Variants in ZNF469 observed in about 807,000 individuals in gnomAD.
ZNF469 encodes zinc finger protein 469.
A neutral mutation model predicts 1.0 loss-of-function variants in ZNF469; 1 was observed. The ratio of observed to expected loss-of-function variants is 1.00; its 90% CI spans 0.35 to 4.73. The LOEUF is 4.73. ZNF469 is among the 30% of genes most tolerant of loss of function. The pLI, the probability that ZNF469 is intolerant of heterozygous loss-of-function variation, is 0.16. For missense variants in ZNF469, 6,100 were observed against 5,356.3 expected, an observed-to-expected ratio of 1.14 and a Z score of -4.33; for synonymous variants, 2,703 against 2,363.4, an observed-to-expected ratio of 1.14 and a Z score of -4.17.
the ZNF469 span, among the ~76,000 whole-genome samples, chr16:88,239,186 G>T: frequency 6.6e-6 from 1 of 152,070 alleles, no homozygotes. Context: ...CTCTGCCATC[G>T]GCTATTCTCT....
chr16:88,225,719 C>A, the ZNF469 span, among the ~76,000 whole-genome samples: 1 of 152,104 alleles, frequency 6.6e-6, no homozygotes, highest in Non-Finnish European at 1.5e-5. Context: ...AGATCCCTGC[C>A]CTTCCCATCA....
the ZNF469 span, among the ~76,000 whole-genome samples, chr16:88,317,373 C>A: frequency 6.6e-6 from 1 of 152,182 alleles, no homozygotes; most frequent in Non-Finnish European, 1.5e-5. Context: ...GAAACGTGGT[C>A]CTAGGGGGAC....
At chr16:88,231,043 C>G in the ZNF469 span, among the ~76,000 whole-genome samples, 1 of 152,262 alleles carries the variant, frequency 6.6e-6, no homozygotes, top group South Asian at 2.1e-4. This position sits in a 1 kb window ranked among gnomAD's most constrained non-coding sequence, Gnocchi z 4.5. Flanking sequence ...AAACCTCAGA[C>G]CAGCCGCACG....
At chr16:88,296,412 C>T in the ZNF469 span, among the ~76,000 whole-genome samples, 3 of 151,162 alleles carry the variant, frequency 2.0e-5, no homozygotes, top group Non-Finnish European at 4.4e-5. Flanking sequence ...ATGTGCACAC[C>T]CATGCTCACA....
At chr16:88,234,875 G>T in the ZNF469 span, 1 of 152,236 alleles carries the variant, frequency 6.6e-6, no homozygotes, top group African/African-American at 2.4e-5. Context: ...TCACAGGAAG[G>T]GAGGAAAACA....
At chr16:88,164,336 G>A in the ZNF469 span, among the ~76,000 whole-genome samples, 677 of 152,048 alleles carry the variant, frequency 4.5e-3, 10 homozygotes, top group African/African-American at 0.015. Context: ...ACAGATGGAT[G>A]GGTGGATGTA....
At position 88,432,284 on chromosome 16, in the gene ZNF469, C is replaced by T; in HGVS notation, c.4814C>T (p.Pro1605Leu). 1 of 1,547,294 alleles carries T rather than the reference C, an allele frequency of 6.5e-7. No individual in the cohort carries two copies. The highest frequency in any genetic ancestry group is 8.7e-7 in the Non-Finnish European group (1 of 1,146,972). ...GTGGAGCTCGGCACAGGCACAGAGC[C>T]ACCCTCCCAACGGCGCACCTGCCAG... is the stretch of plus-strand genomic sequence containing the variant. ...GRVELGTGTE[P>L]PSQRRTCQAT... Residue 1605 changes from proline (P) to leucine (L), a missense_variant, in exon 3 of 3, where the codon CCA (proline) becomes CTA (leucine). Coordinates refer to ENST00000565624, the MANE Select transcript of ZNF469 (RefSeq NM_001367624.2).
At chr16:88,245,253 C>T in the ZNF469 span, among the ~76,000 whole-genome samples, 7 of 133,300 alleles carry the variant, frequency 5.3e-5, no homozygotes, top group African/African-American at 8.8e-5. Context: ...AACTTAGGAC[C>T]GATGTAGTAA....
At position 88,428,040 on chromosome 16, in the gene ZNF469, C is replaced by G. The variant is rs1905818406; in HGVS notation, c.570C>G (p.Ser190Arg). 2 of 1,550,056 alleles carry G rather than the reference C, an allele frequency of 1.3e-6. No homozygotes were observed. The highest frequency in any genetic ancestry group is 8.7e-7 in the Non-Finnish European group (1 of 1,146,892). ...GGTGCTTCCAGGAGCCACCCTCCAG[C>G]TTTACCTCCACCAACTATACCTCAC... is the stretch of plus-strand genomic sequence containing the variant. ...FHRCFQEPPS[S>R]FTSTNYTSPS... is the part of the protein sequence containing the mutation. Residue 190 changes from serine (S) to arginine (R), a missense_variant, in exon 3 of 3, where the codon AGC (serine) becomes AGG (arginine). Transcript: ENST00000565624.
rs1215224306 is a variant in ZNF469, at chr16:88,439,098, G to T, written c.11628G>T (p.Glu3876Asp). Reference protein sequence around the residue: ...SQNKPRPPPSEQRKAEPGHTQ... With the variant: ...SQNKPRPPPSDQRKAEPGHTQ... ...ACAAACCCAGGCCGCCACCATCAGAGCAGCGGAAGGCAGAGCCGGGCCACA... is the reference window on the plus strand; with the variant it reads ...ACAAACCCAGGCCGCCACCATCAGATCAGCGGAAGGCAGAGCCGGGCCACA... Residue 3876 changes from glutamate to aspartate, a missense_variant, in exon 3 of 3, where the codon GAG (glutamate) becomes GAT (aspartate). Coordinates refer to ENST00000565624, the MANE Select transcript of ZNF469 (RefSeq NM_001367624.2). 16 of 1,550,974 alleles carry T rather than the reference G, an allele frequency of 1.0e-5. No homozygotes were observed. Among genetic ancestry groups the T allele is most frequent in the Non-Finnish European group, 1.4e-5 (16 of 1,146,968 alleles).
chr16:88,104,365 C>T, the ZNF469 span, among the ~76,000 whole-genome samples: 1 of 152,148 alleles, frequency 6.6e-6, no homozygotes, highest in Non-Finnish European at 1.5e-5. Flanking sequence ...CCCACAACCA[C>T]TATCAACTTG....
At chr16:88,158,724 C>T in the ZNF469 span, among the ~76,000 whole-genome samples, 18 of 152,358 alleles carry the variant, frequency 1.2e-4, 1 homozygote, top group East Asian at 3.5e-3. Context: ...TAAAGTGGAT[C>T]TGTGGCCTGT....
rs1030838420 is a variant in ZNF469 at position 88,440,614 on chromosome 16, C to T, written c.*1282C>T. The T allele has an allele frequency of 5.3e-5, 8 of 152,166 alleles. No individual in the cohort carries two copies. Among genetic ancestry groups the T allele is most frequent in the African/African-American group, 1.7e-4 (7 of 41,428 alleles). The allele number at this position is 152,166 out of a possible 1,614,324, so 9.4% of individuals were successfully genotyped here. On this transcript the variant is annotated 3_prime_UTR_variant, in exon 3 of 3. Transcript: ENST00000565624. ...GAAAGAGACCAAATCAGGCCCAGAC[C>T]GCCTCTCTGGAAGGTGTTGTAGGCC... is the stretch of plus-strand genomic sequence containing the variant.
chr16:88,211,827 G>A, the ZNF469 span, among the ~76,000 whole-genome samples: 10 of 152,304 alleles, frequency 6.6e-5, 1 homozygote, highest in East Asian at 1.9e-3. Context: ...CCTGTGTGGT[G>A]CCAGCTGGGC....
At chr16:88,257,757 CA>C in the ZNF469 span, among the ~76,000 whole-genome samples, 1 of 152,148 alleles carries the variant, frequency 6.6e-6, no homozygotes, top group East Asian at 1.9e-4. Flanking sequence ...TTGGGAAGGT[CA>C]GTAACTTGGA....
chr16:88,227,547 T>A, the ZNF469 span, among the ~76,000 whole-genome samples: 1 of 140,412 alleles, frequency 7.1e-6, no homozygotes, highest in Non-Finnish European at 1.5e-5. Flanking sequence ...CGTCTCCCCT[T>A]CTCCCTGTCT....
At chr16:88,185,241 C>G in the ZNF469 span, among the ~76,000 whole-genome samples, 1 of 151,880 alleles carries the variant, frequency 6.6e-6, no homozygotes, top group Non-Finnish European at 1.5e-5. Flanking sequence ...ACGGGCACAC[C>G]CAGACTGATG....
chr16:88,313,803 G>C, the ZNF469 span, among the ~76,000 whole-genome samples: 1 of 151,106 alleles, frequency 6.6e-6, no homozygotes, highest in Non-Finnish European at 1.5e-5. Flanking sequence ...GCTGTGGACT[G>C]TCATCTCTGT....
the ZNF469 span, among the ~76,000 whole-genome samples, chr16:88,194,008 T>C: frequency 6.6e-6 from 1 of 152,290 alleles, no homozygotes; most frequent in East Asian, 1.9e-4. Context: ...AACAAATGAA[T>C]GTGGAGGGAC....
Sources: allele counts gnomAD v4.1 joint callset (sites outside exome capture counted in the v4.1 genomes callset), GRCh38; gene constraint gnomAD v4.1.1; non-coding constraint Gnocchi (gnomAD v3.1); transcripts MANE v1.5; gene names NCBI Gene and HGNC (gene_info 2026-07-23, HGNC 2026-07-21).